Variants in FAM135A observed in about 807,000 individuals in gnomAD.
FAM135A encodes family with sequence similarity 135 member A.
Under a neutral mutation model 146.8 loss-of-function variants are expected in FAM135A, and 79 were observed. The ratio of observed to expected loss-of-function variants is 0.54; its 90% confidence interval spans 0.45 to 0.65. The LOEUF (loss-of-function observed/expected upper bound fraction) is 0.65, where lower values mean the gene tolerates loss of function less well. Among genes scored for constraint, FAM135A ranks in the 30% least tolerant of loss-of-function variants. The probability of loss-of-function intolerance (pLI) is 0.00; values close to 1 mark genes in which losing one functional copy is unlikely to be tolerated. For synonymous variants in FAM135A, 562 were observed against 603.6 expected (o/e 0.93, Z 1.01); for missense variants, 1,623 against 1,758.2 (o/e 0.92, Z 1.38).
At chr6:70,473,365 A>C (rs1781976823) in intron 5 of FAM135A, among the ~76,000 whole-genome samples, 1 of 152,214 alleles carries the variant, frequency 6.6e-6, no homozygotes, top group African/African-American at 2.4e-5. Context: ...TGAGTGGACA[A>C]AGATAGTAAG....
chr6:70,539,912 C>G (rs893915268), intron 20 of FAM135A, among the ~76,000 whole-genome samples: 2 of 152,126 alleles, frequency 1.3e-5, no homozygotes, highest in African/African-American at 4.8e-5. Flanking sequence ...AGGAGAATGG[C>G]GTGAACCTGG....
In FAM135A at chr6:70,539,257, C is replaced by G. The variant is rs561196449; in HGVS notation, c.4228+856C>G. Among the ~76,000 whole-genome samples the G allele has an allele frequency of 1.3e-3, 197 of 152,250 alleles. 1 individual carries two copies. The highest frequency in any genetic ancestry group is 2.4e-3 in the Non-Finnish European group (162 of 68,010). ...ATTTTTTTCTTCCCCTCCTCGCCCC[C>G]ATGTCTTCACTCCCCTGGCTACAGA... On this transcript the variant is annotated intron_variant, in intron 20 of 21. Transcript: ENST00000418814.
At chr6:70,445,851 G>A (rs910808743) in intron 4 of FAM135A, among the ~76,000 whole-genome samples, 8 of 152,104 alleles carry the variant, frequency 5.3e-5, no homozygotes, top group African/African-American at 1.9e-4. Context: ...ATTCGGGGCG[G>A]GGGGGGCTGT....
intron 12 of FAM135A, among the ~76,000 whole-genome samples, chr6:70,513,748 A>C (rs1791583871): frequency 1.3e-5 from 2 of 152,090 alleles, no homozygotes; most frequent in Admixed American, 1.3e-4. Context: ...GTATTCTATA[A>C]ATCTCAATCA....
intron 20 of FAM135A, among the ~76,000 whole-genome samples, chr6:70,545,829 G>T (rs1008571455): frequency 1.3e-5 from 2 of 152,140 alleles, no homozygotes. Flanking sequence ...GAGATTGAAT[G>T]ACTTGCCTGA....
At chr6:70,419,125 A>C (rs952178648) in intron 2 of FAM135A, among the ~76,000 whole-genome samples, 2 of 152,222 alleles carry the variant, frequency 1.3e-5, no homozygotes, top group Non-Finnish European at 2.9e-5. Flanking sequence ...GATTTCTAAG[A>C]GTATTCCTGT....
chr6:70,463,070 G>A (rs1407783845), intron 5 of FAM135A, among the ~76,000 whole-genome samples: 5 of 152,034 alleles, frequency 3.3e-5, no homozygotes, highest in Admixed American at 1.3e-4. Flanking sequence ...CCTACATGTC[G>A]AATTTTGTTT....
At chr6:70,528,952 C>A (rs964606658) in intron 16 of FAM135A, among the ~76,000 whole-genome samples, 8 of 146,250 alleles carry the variant, frequency 5.5e-5, no homozygotes, top group African/African-American at 1.8e-4. Flanking sequence ...GTTTTCTGTT[C>A]CTGTGTTAGT....
At chr6:70,510,195 G>A (rs1007500428) in intron 12 of FAM135A, among the ~76,000 whole-genome samples, 1 of 142,902 alleles carries the variant, frequency 7.0e-6, no homozygotes, top group African/African-American at 2.6e-5. Flanking sequence ...AGATTCAAAG[G>A]CATAGATGTT....
chr6:70,524,433 C>T lies in FAM135A; in HGVS notation c.1349C>T (p.Ala450Val). The T allele has an allele frequency of 6.5e-7, 1 of 1,545,396 alleles. No homozygotes were observed. The highest frequency in any genetic ancestry group is 8.7e-7 in the Non-Finnish European group (1 of 1,145,298). Residue 450 changes from alanine to valine, a missense_variant, in exon 15 of 22, where the codon GCA becomes GTA. By Grantham distance (64) the Ala-to-Val change is moderately conservative. Transcript: ENST00000418814. ...DKYETEESSV[A>V]GLSSPELKVR... ...TATGAGACTGAAGAAAGCTCTGTAG[C>T]AGGACTTTCTAGCCCAGAGTTGAAA...
chr6:70,528,195 T>C, intron 15 of FAM135A, 97 bp from the exon 16 acceptor site: 2 of 1,184,492 alleles, frequency 1.7e-6, no homozygotes, highest in Non-Finnish European at 2.3e-6. Flanking sequence ...AAACCAAATA[T>C]TGTTGGGTTT....
At position 70,559,663 on chromosome 6, in the gene FAM135A, T is replaced by A. The variant is rs1387535374; in HGVS notation, c.4343-53T>A. 6.3e-6 allele frequency: 9 copies of A among 1,421,312 alleles called. No individual in the cohort carries two copies. The Admixed American group carries it at 1.6e-4, about 26-fold the overall frequency. The allele number at this position is 1,421,312 out of a possible 1,614,324, so 88.0% of individuals were successfully genotyped here. A position where few individuals can be genotyped will look rare whatever the true frequency, so the allele number is the denominator to read the frequency against. ...TATCTAAAAATTGGCATAGTTTTTT[T>A]ATTTTCAGTTACTATTGTGAACTAA... On this transcript the variant is annotated intron_variant, in intron 21 of 21. Transcript: ENST00000418814.
intron 12 of FAM135A, among the ~76,000 whole-genome samples, chr6:70,516,211 T>C (rs1398925421): frequency 6.6e-6 from 1 of 152,156 alleles, no homozygotes; most frequent in Non-Finnish European, 1.5e-5. Context: ...CTTGGGAACT[T>C]AGATCAGTGC....
chr6:70,433,778 T>G (rs9455105), intron 4 of FAM135A, among the ~76,000 whole-genome samples: 31,537 of 152,066 alleles, frequency 0.21, 3,543 homozygotes, highest in African/African-American at 0.29. Flanking sequence ...TAATAGATTA[T>G]TCAATGTTAA....
intron 1 of FAM135A, among the ~76,000 whole-genome samples, chr6:70,414,868 A>G (rs1326440130): frequency 2.0e-5 from 3 of 152,240 alleles, no homozygotes; most frequent in Non-Finnish European, 4.4e-5. Context: ...AGGTTGACCT[A>G]CAAACATACA....
chr6:70,439,567 T>G (rs1348773908), intron 4 of FAM135A, among the ~76,000 whole-genome samples: 1 of 152,236 alleles, frequency 6.6e-6, no homozygotes, highest in Non-Finnish European at 1.5e-5. Flanking sequence ...CTTTTTGTGT[T>G]TAAGTGGAAC....
At chr6:70,418,775 A>G (rs1768101592) in intron 2 of FAM135A, among the ~76,000 whole-genome samples, 1 of 152,254 alleles carries the variant, frequency 6.6e-6, no homozygotes, top group African/African-American at 2.4e-5. Context: ...TAACTCAGAT[A>G]GTCGGGCTGA....
intron 16 of FAM135A, among the ~76,000 whole-genome samples, chr6:70,532,068 G>C (rs1468293587): frequency 1.3e-5 from 2 of 151,164 alleles, no homozygotes; most frequent in Non-Finnish European, 3.0e-5. Flanking sequence ...ATTTTTAGTA[G>C]GGTTTCACTG....
chr6:70,490,177 T>G (rs1785601286), intron 10 of FAM135A, among the ~76,000 whole-genome samples: 1 of 152,196 alleles, frequency 6.6e-6, no homozygotes, highest in Admixed American at 6.5e-5. Context: ...TGTTCTTGCC[T>G]TTGTGTGAGA....
Sources: allele counts gnomAD v4.1 joint callset (sites outside exome capture counted in the v4.1 genomes callset), GRCh38; gene constraint gnomAD v4.1.1; transcripts MANE v1.5; gene names NCBI Gene and HGNC (gene_info 2026-07-23, HGNC 2026-07-21).